XPR1: variants seen among roughly 807,000 people sequenced by gnomAD.
The protein encoded by XPR1 is xenotropic and polytropic retrovirus receptor 1, also known as solute carrier family 53 member 1.
A neutral mutation model predicts 87.5 loss-of-function variants in XPR1; 28 were observed. The ratio of observed to expected loss-of-function variants is 0.32; its 90% CI spans 0.24 to 0.44. The LOEUF (loss-of-function observed/expected upper bound fraction) is 0.44, where lower values mean the gene tolerates loss of function less well. XPR1 is among the 20% of genes least tolerant of loss of function. XPR1 has a pLI of 1.00. For missense variants in XPR1, 559 were observed against 862.3 expected (o/e 0.65, Z 4.41); for synonymous variants, 300 against 306.1 (o/e 0.98, Z 0.21).
At chr1:180,653,776 T>C (rs926777114) in intron 1 of XPR1, among the ~76,000 whole-genome samples, 2 of 152,178 alleles carry the variant, frequency 1.3e-5, no homozygotes, top group African/African-American at 4.8e-5. Context: ...TTACTTTGAA[T>C]ATAAGCACTG....
At chr1:180,791,603 T>C (rs966063127) in intron 3 of XPR1, among the ~76,000 whole-genome samples, 13 of 152,204 alleles carry the variant, frequency 8.5e-5, no homozygotes, top group Admixed American at 7.9e-4. Flanking sequence ...ATGTACATTA[T>C]GACCCAGCAC....
At chr1:180,688,545 T>C (rs1348177095) in intron 2 of XPR1, among the ~76,000 whole-genome samples, 1 of 152,178 alleles carries the variant, frequency 6.6e-6, no homozygotes, top group African/African-American at 2.4e-5. Flanking sequence ...GTGAGTATAC[T>C]ACCTCTTGAT....
intron 2 of XPR1, among the ~76,000 whole-genome samples, chr1:180,728,305 G>A (rs1169516551): frequency 6.9e-6 from 1 of 144,036 alleles, no homozygotes; most frequent in African/African-American, 2.5e-5. Flanking sequence ...ACTGGGGGGG[G>A]GGGTAGTAAT....
intron 8 of XPR1, 45 bp downstream of exon 8, chr1:180,824,988 A>T: frequency 6.3e-7 from 1 of 1,577,556 alleles, no homozygotes; most frequent in South Asian, 1.2e-5. Flanking sequence ...AGTTTGCATT[A>T]GCTATATAGC....
At chr1:180,759,938 T>G (rs1165314464) in intron 2 of XPR1, among the ~76,000 whole-genome samples, 1 of 152,210 alleles carries the variant, frequency 6.6e-6, no homozygotes, top group Non-Finnish European at 1.5e-5. Flanking sequence ...GCTTCATCCC[T>G]GGGATGCAAG....
Position 180,865,753 on chromosome 1 carries a change from CAT to C in XPR1, c.1668+1881_1668+1882del, listed in dbSNP as rs574793595. ...CATTCCCGCTTTTACATAGTTCTAA[CAT>C]AGTGATTTCTAGGTAATAAAATTAG... On this transcript the variant is annotated intron_variant, in intron 12 of 14. Transcript: ENST00000367590. Among the ~76,000 whole-genome samples, 603 of 152,260 alleles carry C rather than the reference CAT, an allele frequency of 4.0e-3. 1 individual carries two copies. The highest frequency in any genetic ancestry group is 7.4e-3 in the Admixed American group (113 of 15,286).
chr1:180,843,473 G>A (rs891998264), intron 11 of XPR1, among the ~76,000 whole-genome samples: 3 of 152,010 alleles, frequency 2.0e-5, no homozygotes, highest in Admixed American at 6.5e-5. Flanking sequence ...GGCAATATTT[G>A]CTTAAGAACT....
rs528034609 is a variant in XPR1, at chr1:180,778,926, A to C, written c.122-8827A>C. Among the ~76,000 whole-genome samples the C allele has an allele frequency of 1.1e-4, 17 of 152,342 alleles. No homozygotes were observed. The South Asian group carries it at 2.3e-3, about 20-fold the overall frequency. ...TCCATGGCACTTAGAATAGAGTTCA[A>C]ACTTCATAACATGGGCTTTGTGCGT... On this transcript the variant is annotated intron_variant, in intron 2 of 14. Coordinates refer to ENST00000367590, the MANE Select transcript of XPR1 (RefSeq NM_004736.4).
At chr1:180,865,403 CTTTTT>C (rs756971131) in intron 12 of XPR1, among the ~76,000 whole-genome samples, 1 of 140,590 alleles carries the variant, frequency 7.1e-6, no homozygotes, top group Admixed American at 7.1e-5. Flanking sequence ...ACATTTGTTT[CTTTTT>C]TTTTTTTTTT....
intron 2 of XPR1, among the ~76,000 whole-genome samples, chr1:180,750,606 G>A (rs983764945): frequency 6.6e-6 from 1 of 152,000 alleles, no homozygotes; most frequent in Non-Finnish European, 1.5e-5. Flanking sequence ...ATTCCATAGG[G>A]TTTATCTTTA....
chr1:180,874,585 G>A (rs575664444), intron 13 of XPR1, among the ~76,000 whole-genome samples: 1 of 152,152 alleles, frequency 6.6e-6, no homozygotes, highest in East Asian at 1.9e-4. Context: ...AGCTACTCGG[G>A]AGGCTGAGGC....
At chr1:180,838,366 G>C (rs962994097) in intron 11 of XPR1, among the ~76,000 whole-genome samples, 2 of 152,076 alleles carry the variant, frequency 1.3e-5, no homozygotes, top group African/African-American at 4.8e-5. Flanking sequence ...AGAGGCAGAA[G>C]AAAATTCATA....
At chr1:180,724,771 A>C (rs1023999451) in intron 2 of XPR1, among the ~76,000 whole-genome samples, 1 of 152,214 alleles carries the variant, frequency 6.6e-6, no homozygotes, top group Non-Finnish European at 1.5e-5. Flanking sequence ...TCAATGAAAA[A>C]GTCATTGTAT....
chr1:180,691,645 AT>A (rs1324788392), intron 2 of XPR1, among the ~76,000 whole-genome samples: 1 of 152,226 alleles, frequency 6.6e-6, no homozygotes, highest in East Asian at 1.9e-4. Flanking sequence ...TTTGTTAGAA[AT>A]TTTGGCTTAG....
At chr1:180,695,754 T>A (rs1377037823) in intron 2 of XPR1, among the ~76,000 whole-genome samples, 1 of 152,164 alleles carries the variant, frequency 6.6e-6, no homozygotes, top group Non-Finnish European at 1.5e-5. Context: ...TATGTGGGTT[T>A]ATTTTTGGAT....
intron 1 of XPR1, among the ~76,000 whole-genome samples, chr1:180,662,901 T>C (rs1032147303): frequency 4.0e-5 from 6 of 151,702 alleles, no homozygotes; most frequent in African/African-American, 1.5e-4. Flanking sequence ...TGATCACTTC[T>C]GTTATTAAGA....
chr1:180,661,133 A>G (rs1000978835), intron 1 of XPR1, among the ~76,000 whole-genome samples: 1 of 150,684 alleles, frequency 6.6e-6, no homozygotes, highest in Non-Finnish European at 1.5e-5. Context: ...TTTGTTTTGG[A>G]ATCTTTGGTG....
At chr1:180,670,791 C>T (rs1340310133) in intron 1 of XPR1, among the ~76,000 whole-genome samples, 2 of 152,172 alleles carry the variant, frequency 1.3e-5, no homozygotes, top group Non-Finnish European at 2.9e-5. Flanking sequence ...CAGGGGCAAA[C>T]CTAGTAGTAA....
At chr1:180,632,371 G>A (rs940149244) in intron 1 of XPR1, 101 bp downstream of exon 1, 101 of 1,459,444 alleles carry the variant, frequency 6.9e-5, no homozygotes, top group Non-Finnish European at 8.6e-5. Flanking sequence ...CCCTGTGCCC[G>A]GGCAGACTTT....
Sources: allele counts gnomAD v4.1 joint callset (sites outside exome capture counted in the v4.1 genomes callset), GRCh38; gene constraint gnomAD v4.1.1; transcripts MANE v1.5; gene names NCBI Gene and HGNC (gene_info 2026-07-23, HGNC 2026-07-21).